The following RABL2B variants were observed in gnomAD, a reference collection of about 807,000 sequenced individuals.
RABL2B encodes the protein rab-like protein 2B.
In RABL2B, 17 loss-of-function variants were observed where a neutral mutation model predicts 26.7. The ratio of observed to expected loss-of-function variants is 0.64; its 90% confidence interval spans 0.44 to 0.95. The LOEUF (loss-of-function observed/expected upper bound fraction) is 0.95. Among genes scored for constraint, RABL2B ranks in the 40% least tolerant of loss-of-function variants. RABL2B has a pLI of 0.00. For synonymous variants in RABL2B, 70 were observed against 103.9 expected, an observed-to-expected ratio of 0.67 and a Z score of 1.99; for missense variants, 170 against 277.2, an observed-to-expected ratio of 0.61 and a Z score of 2.75.
chr22:50,781,821 A>T (rs9616977), intron 2 of RABL2B, among the ~76,000 whole-genome samples: 10,519 of 150,138 alleles, frequency 0.07, 377 homozygotes, highest in African/African-American at 0.076. Context: ...TCCCTCCAAG[A>T]AAGCATCTTT....
intron 5 of RABL2B, among the ~76,000 whole-genome samples, chr22:50,775,330 G>C (rs1603450214): frequency 6.6e-6 from 1 of 152,230 alleles, no homozygotes; most frequent in East Asian, 1.9e-4. Context: ...GGGAGGCTCG[G>C]GGGGAGGCGA....
chr22:50,773,419 C>T (rs2147096190), intron 5 of RABL2B, among the ~76,000 whole-genome samples: 1 of 152,314 alleles, frequency 6.6e-6, no homozygotes, highest in East Asian at 1.9e-4. Context: ...GGTATCTGTA[C>T]TGTGCCTACC....
At chr22:50,781,419 A>AGAG (rs2085864076) in intron 2 of RABL2B, among the ~76,000 whole-genome samples, 1 of 150,742 alleles carries the variant, frequency 6.6e-6, no homozygotes, top group African/African-American at 2.4e-5. Context: ...AGAGAGAGAG[A>AGAG]GAGACAGAGA....
At chr22:50,778,576 G>A (rs1448598186) in intron 2 of RABL2B, among the ~76,000 whole-genome samples, 7 of 152,042 alleles carry the variant, frequency 4.6e-5, no homozygotes, top group African/African-American at 1.5e-4. Flanking sequence ...AGGCAGACTT[G>A]GTCACTCCTC....
In RABL2B at chr22:50,768,761, C is replaced by T; in HGVS notation, c.*15G>A. 2.5e-6 allele frequency: 4 copies of T among 1,613,758 alleles called. No individual in the cohort carries two copies. The highest frequency in any genetic ancestry group is 2.5e-6 in the Non-Finnish European group (3 of 1,179,838). ...GTATTTTAAAAGGGCTCCACCCACC[C>T]CTAGCCCCAGCCCCTCAGCTGTGGG... On this transcript the variant is annotated 3_prime_UTR_variant, in exon 9 of 9. Coordinates refer to ENST00000691320, the MANE Select transcript of RABL2B (RefSeq NM_001130919.3).
chr22:50,769,665 G>T, intron 6 of RABL2B, 113 bp from the exon 7 acceptor site: 3 of 1,550,184 alleles, frequency 1.9e-6, no homozygotes, highest in South Asian at 1.2e-5. Flanking sequence ...AGGGATGATT[G>T]GGAAACAGGT....
intron 2 of RABL2B, among the ~76,000 whole-genome samples, chr22:50,781,439 C>A (rs1267405772): frequency 7.4e-5 from 10 of 135,694 alleles, no homozygotes; most frequent in African/African-American, 2.3e-4. Flanking sequence ...AATTCAAATT[C>A]ATGGAGATGG....
At chr22:50,779,749 C>A (rs1462731532) in intron 2 of RABL2B, among the ~76,000 whole-genome samples, 1 of 152,076 alleles carries the variant, frequency 6.6e-6, no homozygotes, top group African/African-American at 2.4e-5. Flanking sequence ...TTTGGGAGGC[C>A]AAGGCAGACA....
intron 2 of RABL2B, among the ~76,000 whole-genome samples, chr22:50,779,749 C>T (rs1462731532): frequency 6.6e-6 from 1 of 152,194 alleles, no homozygotes; most frequent in Admixed American, 6.5e-5. Flanking sequence ...TTTGGGAGGC[C>T]AAGGCAGACA....
rs2084890230 is a variant in RABL2B, at chr22:50,775,782, G to T, written c.287C>A (p.Ala96Asp). The T allele has an allele frequency of 6.8e-6, 11 of 1,614,128 alleles. No individual in the cohort carries two copies. The East Asian group carries it at 2.5e-4, about 36-fold the overall frequency. Residue 96 changes from alanine to aspartate, a missense_variant, in exon 5 of 9, where the codon GCC becomes GAC. Coordinates refer to ENST00000691320, the MANE Select transcript of RABL2B (RefSeq NM_001130919.3). ...CCCACCGTCTCGTACCATGATGCAG[G>T]CGTGGGCCTTGTGGTAGTAGGAGGC... ...MHASYYHKAH[A>D]CIMVFDVQRK...
intron 5 of RABL2B, among the ~76,000 whole-genome samples, chr22:50,773,691 G>A (rs1279839063): frequency 2.3e-4 from 35 of 151,608 alleles, no homozygotes; most frequent in Non-Finnish European, 4.0e-4. Context: ...GAAGGAAGGT[G>A]TGCAGAGGAG....
In RABL2B at chr22:50,767,528, G is replaced by A. The variant is rs1427247795; in HGVS notation, c.*1248C>T. On this transcript the variant is annotated 3_prime_UTR_variant, in exon 9 of 9. Transcript: ENST00000691320. ...ATGTTTATGTAATTCAGCCTTTACT[G>A]TAAAAAAGGAAACAACAAAAACAAA... 9 of 337,112 alleles carry A rather than the reference G, an allele frequency of 2.7e-5. No individual in the cohort carries two copies. The highest frequency in any genetic ancestry group is 1.8e-4 in the East Asian group (2 of 11,130). 20.9% of individuals were successfully genotyped at this position (337,112 alleles called of 1,614,324 possible). A position where few individuals can be genotyped will look rare whatever the true frequency, so the allele number is the denominator to read the frequency against.
In RABL2B at chr22:50,768,755, C is replaced by T; in HGVS notation, c.*21G>A. The T allele has an allele frequency of 1.2e-6, 2 of 1,613,732 alleles. No individual in the cohort carries two copies. Among genetic ancestry groups the T allele is most frequent in the African/African-American group, 1.3e-5 (1 of 74,974 alleles). On this transcript the variant is annotated 3_prime_UTR_variant, in exon 9 of 9. Coordinates refer to ENST00000691320, the MANE Select transcript of RABL2B (RefSeq NM_001130919.3). ...GGAAGGGTATTTTAAAAGGGCTCCA[C>T]CCACCCCTAGCCCCAGCCCCTCAGC...
chr22:50,773,221 C>T, intron 5 of RABL2B: 2 of 1,277,922 alleles, frequency 1.6e-6, no homozygotes, highest in South Asian at 2.6e-5. Context: ...TTCTGCACTA[C>T]ACTGCCCCCA....
chr22:50,782,047 T>TC (rs1257067980), intron 2 of RABL2B, 141 bp downstream of exon 2: 1 of 1,533,516 alleles, frequency 6.5e-7, no homozygotes, highest in Non-Finnish European at 8.9e-7. Flanking sequence ...TTCCCCTCGT[T>TC]CCCCCATGAA....
chr22:50,775,864 C>T lies in RABL2B; in HGVS notation c.218-13G>A, dbSNP rs1555923447. 23 of 1,614,094 alleles carry T rather than the reference C, an allele frequency of 1.4e-5. No individual in the cohort carries two copies. In the South Asian group the frequency reaches 2.2e-4, roughly 15 times the overall value. On this transcript the variant is annotated splice_polypyrimidine_tract_variant and intron_variant, in intron 4 of 8. Transcript: ENST00000691320. ...GTGTCCCAAAAGTCTGCAATGTGAA[C>T]ACAGACAGACCTACATGCCTGGTGC...
At position 50,777,989 on chromosome 22, in the gene RABL2B, C is replaced by G. The variant is rs781983406; in HGVS notation, c.108-8G>C. Reference sequence around the variant, plus strand: ...AGAAATCTCTCCATGAGTCTGTAAGCAGAACAGGCAAGGTGGTCAGATGGC... The same window carrying G: ...AGAAATCTCTCCATGAGTCTGTAAGGAGAACAGGCAAGGTGGTCAGATGGC... On this transcript the variant is annotated splice_region_variant and splice_polypyrimidine_tract_variant and intron_variant, in intron 2 of 8. Transcript: ENST00000691320. The G allele has an allele frequency of 6.2e-7, 1 of 1,614,056 alleles. No individual in the cohort carries two copies. The highest frequency in any genetic ancestry group is 1.1e-5 in the South Asian group (1 of 91,086).
chr22:50,772,889 G>T (rs2084394896), intron 5 of RABL2B: 1 of 1,194,612 alleles, frequency 8.4e-7, no homozygotes, highest in African/African-American at 1.6e-5. Context: ...CCCATCTCAA[G>T]GTTTCAAGGT....
In RABL2B at chr22:50,768,485, T is replaced by C; in HGVS notation, c.*291A>G. ...TAAAGTGACACATAATCATGTTTTC[T>C]GATTCTCTTCACTGTCTGCCTGCGG... On this transcript the variant is annotated 3_prime_UTR_variant, in exon 9 of 9. Transcript: ENST00000691320. The C allele has an allele frequency of 3.7e-6, 2 of 542,672 alleles. No individual in the cohort carries two copies. The highest frequency in any genetic ancestry group is 4.4e-5 in the South Asian group (2 of 45,030). 33.6% of individuals were successfully genotyped at this position (542,672 alleles called of 1,614,324 possible).
Sources: allele counts gnomAD v4.1 joint callset (sites outside exome capture counted in the v4.1 genomes callset), GRCh38; gene constraint gnomAD v4.1.1; transcripts MANE v1.5; gene names NCBI Gene and HGNC (gene_info 2026-07-23, HGNC 2026-07-21).